Variants in TTC21B observed in about 807,000 individuals in gnomAD.
TTC21B encodes the protein tetratricopeptide repeat domain 21B.
A neutral mutation model predicts 175.1 loss-of-function variants in TTC21B; 127 were observed. The observed-to-expected ratio is 0.73, with a 90% CI of 0.63 to 0.84. The LOEUF (loss-of-function observed/expected upper bound fraction) is 0.84, where lower values mean the gene tolerates loss of function less well. Among genes scored for constraint, TTC21B ranks in the 40% least tolerant of loss-of-function variants. The pLI is 0.00. For missense variants in TTC21B, 1,561 were observed against 1,558.3 expected (o/e 1.00, Z -0.03); for synonymous variants, 524 against 524.5 (o/e 1.00, Z 0.01).
intron 18 of TTC21B, among the ~76,000 whole-genome samples, chr2:165,910,367 C>T (rs1250903209): frequency 6.6e-6 from 1 of 151,738 alleles, no homozygotes; most frequent in Non-Finnish European, 1.5e-5. Context: ...CGTGCCATTG[C>T]ACTCCAGCCT....
chr2:165,896,168 G>C (rs1420624610), intron 22 of TTC21B, among the ~76,000 whole-genome samples: 1 of 151,980 alleles, frequency 6.6e-6, no homozygotes, highest in African/African-American at 2.4e-5. Flanking sequence ...AAGGTGGTGG[G>C]GTTTAGAAGA....
chr2:165,878,614 T>C (rs1684744688), intron 27 of TTC21B, among the ~76,000 whole-genome samples: 1 of 152,076 alleles, frequency 6.6e-6, no homozygotes, highest in South Asian at 2.1e-4. Flanking sequence ...CCATTCATCA[T>C]TCATCCTGGT....
intron 11 of TTC21B, among the ~76,000 whole-genome samples, chr2:165,925,198 A>AGAG (rs1686582423): frequency 6.6e-6 from 1 of 152,138 alleles, no homozygotes; most frequent in Non-Finnish European, 1.5e-5. Context: ...GCTAAACTAA[A>AGAG]TGTCTCATAC....
chr2:165,902,567 T>C (rs1358732967), intron 19 of TTC21B, among the ~76,000 whole-genome samples: 1 of 152,164 alleles, frequency 6.6e-6, no homozygotes, highest in East Asian at 1.9e-4. Flanking sequence ...CAGCATTCTT[T>C]TGCAAATGAA....
intron 11 of TTC21B, among the ~76,000 whole-genome samples, chr2:165,927,759 T>C (rs1432440976): frequency 1.3e-5 from 2 of 151,632 alleles, no homozygotes; most frequent in South Asian, 4.2e-4. Context: ...TCTATGAGGG[T>C]TTAAGTTTAA....
rs746051371 is a variant in TTC21B at position 165,949,703 on chromosome 2, G to A, written c.43C>T (p.Gln15Ter). Residue 15 changes from glutamine (Q) to a stop codon, truncating the protein, a stop_gained, in exon 2 of 29, where the codon CAA becomes TAA. Coordinates refer to ENST00000243344, the MANE Select transcript of TTC21B (RefSeq NM_024753.5). LOFTEE classifies it high-confidence loss of function. ...AATACATGATGGAAATATCTCTCTT[G>A]ACAATAGTAATTAATCAAAGTCTAA... ...ELKTLINYYC[Q>*]ERYFHHVLLV... The A allele has an allele frequency of 6.2e-7, 1 of 1,611,638 alleles. No individual in the cohort carries two copies. Among genetic ancestry groups the A allele is most frequent in the Non-Finnish European group, 8.5e-7 (1 of 1,178,438 alleles).
At chr2:165,876,254 AACAGAATGATGGAGT>A in intron 27 of TTC21B, 22 bp from the exon 28 acceptor site, 2 of 1,440,048 alleles carry the variant, frequency 1.4e-6, no homozygotes, top group Non-Finnish European at 2.0e-6. Flanking sequence ...AAAACCATAA[AACAGAATGATGGAGT>A]ACACTGCTAC....
intron 12 of TTC21B, 84 bp downstream of exon 12, chr2:165,924,465 T>C: frequency 1.5e-6 from 2 of 1,335,076 alleles, no homozygotes; most frequent in Non-Finnish European, 2.1e-6. Context: ...CTATTCTCTA[T>C]ATATACACAG....
Position 165,901,912 on chromosome 2 carries a change from T to C in TTC21B, c.2569-2A>G, listed in dbSNP as rs752793712. Reference sequence around the variant, plus strand: ...TACCCGAGCTTGTAATTCTCGAGCCTAGAAAAAATCAGTATAAAAGGGAAT... The same window carrying C: ...TACCCGAGCTTGTAATTCTCGAGCCCAGAAAAAATCAGTATAAAAGGGAAT... On this transcript the variant is annotated splice_acceptor_variant, in intron 19 of 28. Transcript: ENST00000243344. LOFTEE classifies it high-confidence loss of function. 8 of 1,611,712 alleles carry C rather than the reference T, an allele frequency of 5.0e-6. No homozygotes were observed. Among genetic ancestry groups the C allele is most frequent in the Admixed American group, 1.7e-5 (1 of 59,844 alleles).
chr2:165,888,443 G>A lies in TTC21B; in HGVS notation c.3295C>T (p.Leu1099=), dbSNP rs2105289497. The change falls in exon 25 of 29, where the codon CTG becomes TTG. Residue 1099 remains leucine (L), a synonymous_variant. Coordinates refer to ENST00000243344, the MANE Select transcript of TTC21B (RefSeq NM_024753.5). The part of the protein sequence containing the change: ...NSTEKQESVQ[L]AVRTAEKLLK... ...AGTTTTTCTGCTGTTCTTACTGCCA[G>A]TTGCACAGATTCTTGCTTCTCAGTT... 6.2e-7 allele frequency: 1 copy of A among 1,613,720 alleles called. No homozygotes were observed.
chr2:165,897,516 G>A (rs144398773), intron 22 of TTC21B, among the ~76,000 whole-genome samples: 1 of 152,284 alleles, frequency 6.6e-6, no homozygotes, highest in Non-Finnish European at 1.5e-5. Context: ...CAAACTTAGA[G>A]GCGAGGGAAA....
intron 12 of TTC21B, among the ~76,000 whole-genome samples, chr2:165,920,381 T>C (rs965659396): frequency 2.0e-5 from 3 of 152,188 alleles, no homozygotes; most frequent in South Asian, 2.1e-4. Context: ...AGAAGATTAA[T>C]AGAAAACTAA....
In TTC21B at chr2:165,901,765, T is replaced by G; in HGVS notation, c.2714A>C (p.Lys905Thr). ...GTGAACCAGAGCCTCTCTATAAAACTTAATTGCTTTTTCATAGTCTCGCTG... is the reference window on the plus strand; with the variant it reads ...GTGAACCAGAGCCTCTCTATAAAACGTAATTGCTTTTTCATAGTCTCGCTG... ...VAQRDYEKAI[K>T]FYREALVHCE... Residue 905 changes from lysine (K) to threonine (T), a missense_variant, in exon 20 of 29, where the codon AAG (lysine) becomes ACG (threonine). Lys to Thr is a moderately conservative substitution (Grantham distance 78). Transcript: ENST00000243344. 1 of 1,614,168 alleles carries G rather than the reference T, an allele frequency of 6.2e-7. No individual in the cohort carries two copies. Among genetic ancestry groups the G allele is most frequent in the East Asian group, 2.2e-5 (1 of 44,862 alleles).
chr2:165,890,320 A>G (rs991819755), intron 24 of TTC21B, among the ~76,000 whole-genome samples, 159 bp downstream of exon 24: 4 of 152,196 alleles, frequency 2.6e-5, no homozygotes, highest in African/African-American at 4.8e-5. Context: ...TTGCTAAAAT[A>G]ACTATTCTCT....
chr2:165,940,851 T>C (rs1318671821), intron 6 of TTC21B, among the ~76,000 whole-genome samples, 176 bp downstream of exon 6: 3 of 152,204 alleles, frequency 2.0e-5, no homozygotes, highest in East Asian at 1.9e-4. Context: ...CAAATATTTA[T>C]GTAAATCAAT....
chr2:165,931,790 A>G lies in TTC21B; in HGVS notation c.862T>C (p.Phe288Leu). The G allele has an allele frequency of 6.2e-7, 1 of 1,613,638 alleles. No homozygotes were observed. The highest frequency in any genetic ancestry group is 8.5e-7 in the Non-Finnish European group (1 of 1,179,610). Reference protein sequence around the residue: ...DAMEPQNAQLFYNITLAFSRT... With the variant: ...DAMEPQNAQLLYNITLAFSRT... ...CTGAAGGCGAGTGTAATGTTATAGAAAAGTTGAGCATTCTGTGGTTCCATG... is the reference window on the plus strand; with the variant it reads ...CTGAAGGCGAGTGTAATGTTATAGAGAAGTTGAGCATTCTGTGGTTCCATG... Residue 288 changes from phenylalanine (F) to leucine (L), a missense_variant, in exon 8 of 29, where the codon TTC (phenylalanine) becomes CTC (leucine). Coordinates refer to ENST00000243344, the MANE Select transcript of TTC21B (RefSeq NM_024753.5).
chr2:165,887,264 T>G (rs2105288071), intron 25 of TTC21B, among the ~76,000 whole-genome samples: 1 of 152,282 alleles, frequency 6.6e-6, no homozygotes, highest in African/African-American at 2.4e-5. Context: ...GAGTTTCCAG[T>G]GGCCTACAGC....
chr2:165,886,035 C>T (rs1014129985), intron 25 of TTC21B, among the ~76,000 whole-genome samples: 44 of 152,302 alleles, frequency 2.9e-4, no homozygotes, highest in African/African-American at 1.0e-3. Context: ...TCCATGATTT[C>T]TTGTCACATA....
At position 165,930,359 on chromosome 2, in the gene TTC21B, T is replaced by G; in HGVS notation, c.900A>C (p.Gly300=). The change falls in exon 9 of 29, where the codon GGA becomes GGC. Residue 300 remains glycine (G), a synonymous_variant. Coordinates refer to ENST00000243344, the MANE Select transcript of TTC21B (RefSeq NM_024753.5). ...TTTTTTGAAGAATAAGTTGACTACG[T>G]CCACACTAAAAAGAAAAAAAAATGA... is the stretch of plus-strand genomic sequence containing the variant. ...NITLAFSRTC[G]RSQLILQKIQ... 3 of 1,608,016 alleles carry G rather than the reference T, an allele frequency of 1.9e-6. No homozygotes were observed. Among genetic ancestry groups the G allele is most frequent in the Non-Finnish European group, 2.5e-6 (3 of 1,176,570 alleles).
Sources: allele counts gnomAD v4.1 joint callset (sites outside exome capture counted in the v4.1 genomes callset), GRCh38; gene constraint gnomAD v4.1.1; transcripts MANE v1.5; gene names NCBI Gene and HGNC (gene_info 2026-07-23, HGNC 2026-07-21).